PCMTD1: variants seen among roughly 807,000 people sequenced by gnomAD.
The protein encoded by PCMTD1 is protein-L-isoaspartate (D-aspartate) O-methyltransferase domain containing 1.
PCMTD1 carries 12 observed loss-of-function variants against 37.6 expected under a neutral mutation model. That is an observed-to-expected ratio of 0.32 (90% CI 0.20 to 0.52). PCMTD1 has a LOEUF of 0.52. Among genes scored for constraint, PCMTD1 ranks in the 20% least tolerant of loss-of-function variants. PCMTD1 has a pLI of 0.97. For synonymous variants in PCMTD1, 117 were observed against 135.8 expected (o/e 0.86, Z 0.96); for missense variants, 235 against 421.3 (o/e 0.56, Z 3.87).
At chr8:51,869,863 A>G (rs2038613575) in intron 1 of PCMTD1, among the ~76,000 whole-genome samples, 2 of 152,196 alleles carry the variant, frequency 1.3e-5, no homozygotes, top group South Asian at 4.1e-4. Context: ...TAAGGGCTGC[A>G]GAGAAAATAA....
chr8:51,873,288 CAATCTTATTCATA>C (rs1427319217), intron 1 of PCMTD1, among the ~76,000 whole-genome samples: 1 of 152,098 alleles, frequency 6.6e-6, no homozygotes, highest in African/African-American at 2.4e-5. Flanking sequence ...AGGGATATTT[CAATCTTATTCATA>C]AATCTTATGC....
chr8:51,898,966 G>A lies in PCMTD1; in HGVS notation c.-132C>T, dbSNP rs1340509279. 9 of 1,487,468 alleles carry A rather than the reference G, an allele frequency of 6.1e-6. No individual in the cohort carries two copies. The highest frequency in any genetic ancestry group is 4.4e-5 in the Admixed American group (2 of 45,724). The allele number at this position is 1,487,468 out of a possible 1,614,324, so 92.1% of individuals were successfully genotyped here. On this transcript the variant is annotated 5_prime_UTR_variant, in exon 1 of 6. Transcript: ENST00000522514. ...GCAGCGGCGCGCAGGCCAGGCGCTA[G>A]GACTCGGCGGGGTCCGCAGCAGCCA...
chr8:51,826,899 T>C, intron 5 of PCMTD1: 11 of 875,910 alleles, frequency 1.3e-5, no homozygotes, highest in Non-Finnish European at 1.5e-5. Flanking sequence ...GTAATAAAAT[T>C]AGTGGTGAAT....
At chr8:51,891,027 T>C (rs1324527446) in intron 1 of PCMTD1, among the ~76,000 whole-genome samples, 6 of 152,220 alleles carry the variant, frequency 3.9e-5, no homozygotes, top group African/African-American at 1.4e-4. Context: ...TTTCTCCTTT[T>C]CTTTATCCAT....
At chr8:51,862,226 A>C (rs2038482097) in intron 1 of PCMTD1, among the ~76,000 whole-genome samples, 1 of 152,226 alleles carries the variant, frequency 6.6e-6, no homozygotes. Context: ...CAAAATAAAC[A>C]AACCCCACAC....
chr8:51,863,587 G>C (rs1190417645), intron 1 of PCMTD1, among the ~76,000 whole-genome samples: 1 of 152,190 alleles, frequency 6.6e-6, no homozygotes, highest in East Asian at 1.9e-4. Flanking sequence ...AGGAGTTCAA[G>C]ACCAGCCTGG....
chr8:51,873,849 A>G (rs541066978), intron 1 of PCMTD1, among the ~76,000 whole-genome samples: 3 of 152,098 alleles, frequency 2.0e-5, no homozygotes, highest in Admixed American at 6.5e-5. Flanking sequence ...AAGAACCATG[A>G]GCCAAACAAG....
At chr8:51,859,308 TAG>T (rs1177704416) in intron 2 of PCMTD1, among the ~76,000 whole-genome samples, 1 of 151,968 alleles carries the variant, frequency 6.6e-6, no homozygotes, top group Non-Finnish European at 1.5e-5. Flanking sequence ...TCTCAAACCC[TAG>T]AGATTCCTTT....
chr8:51,852,101 A>G (rs558126956), intron 2 of PCMTD1, among the ~76,000 whole-genome samples: 1 of 152,340 alleles, frequency 6.6e-6, no homozygotes, highest in East Asian at 1.9e-4. Context: ...TTACTAGACT[A>G]AATGAAGAAC....
At chr8:51,897,007 C>A (rs10112086) in intron 1 of PCMTD1, among the ~76,000 whole-genome samples, 104,514 of 151,998 alleles carry the variant, frequency 0.69, 42,377 homozygotes, top group Non-Finnish European at 0.9. Context: ...CATATTATTA[C>A]CAAAAATAAC....
chr8:51,845,787 TA>T (rs747547990), intron 2 of PCMTD1, 24 bp from the exon 3 acceptor site: 3 of 1,506,416 alleles, frequency 2.0e-6, no homozygotes, highest in Non-Finnish European at 1.8e-6. Flanking sequence ...AGCATTTTTA[TA>T]AAAAATATTA....
At chr8:51,886,690 C>T (rs1207125094) in intron 1 of PCMTD1, among the ~76,000 whole-genome samples, 1 of 152,176 alleles carries the variant, frequency 6.6e-6, no homozygotes, top group Non-Finnish European at 1.5e-5. Context: ...TGGGGAGAGG[C>T]TGTTTAGAAA....
chr8:51,850,075 G>C, intron 2 of PCMTD1: 1 of 702,380 alleles, frequency 1.4e-6, no homozygotes. Flanking sequence ...TGAGGACTCT[G>C]AGGTCAAAAT....
chr8:51,843,507 A>G (rs968066595), intron 3 of PCMTD1, among the ~76,000 whole-genome samples: 1 of 152,136 alleles, frequency 6.6e-6, no homozygotes, highest in East Asian at 1.9e-4. Context: ...TTTACGATTC[A>G]TCATATTATG....
chr8:51,828,324 C>G (rs949150345), intron 5 of PCMTD1, among the ~76,000 whole-genome samples: 1 of 152,044 alleles, frequency 6.6e-6, no homozygotes, highest in African/African-American at 2.4e-5. Context: ...TGTTTGAAAA[C>G]TAGGAAGGAG....
At chr8:51,849,585 A>C (rs2038274739) in intron 2 of PCMTD1, 1 of 152,432 alleles carries the variant, frequency 6.6e-6, no homozygotes, top group Admixed American at 6.5e-5. Context: ...AGGTATCTTT[A>C]CATAAAAAAT....
chr8:51,825,169 G>C lies in PCMTD1; in HGVS notation c.707-4451C>G, dbSNP rs914844825. Among the ~76,000 whole-genome samples the C allele has an allele frequency of 4.6e-5, 7 of 152,238 alleles. No homozygotes were observed. In the South Asian group the frequency reaches 8.3e-4, roughly 18 times the overall value. On this transcript the variant is annotated intron_variant, in intron 5 of 5. Coordinates refer to ENST00000522514, the MANE Select transcript of PCMTD1 (RefSeq NM_052937.4). ...CATGTCTGAAACACCAAAAGCAATG[G>C]CAACAAAAGCCAAAATTGACAAATT...
At chr8:51,845,546 G>A (rs768443858) in intron 3 of PCMTD1, 115 bp downstream of exon 3, 3 of 635,746 alleles carry the variant, frequency 4.7e-6, no homozygotes, top group Non-Finnish European at 8.1e-6. Flanking sequence ...ATGGTGCACT[G>A]ATTTTTGCTG....
At chr8:51,824,210 G>C (rs1242909934) in intron 5 of PCMTD1, among the ~76,000 whole-genome samples, 1 of 152,192 alleles carries the variant, frequency 6.6e-6, no homozygotes, top group Non-Finnish European at 1.5e-5. Flanking sequence ...AATCAGACAA[G>C]AGAAAGAAAT....
Sources: allele counts gnomAD v4.1 joint callset (sites outside exome capture counted in the v4.1 genomes callset), GRCh38; gene constraint gnomAD v4.1.1; transcripts MANE v1.5; gene names NCBI Gene and HGNC (gene_info 2026-07-23, HGNC 2026-07-21).